The following MAN2A2 variants were observed in gnomAD, a reference collection of about 807,000 sequenced individuals.
MAN2A2 encodes the protein mannosidase alpha class 2A member 2.
Under a neutral mutation model 126.8 loss-of-function variants are expected in MAN2A2, and 79 were observed. The ratio of observed to expected loss-of-function variants is 0.62; its 90% CI spans 0.52 to 0.75. The LOEUF (loss-of-function observed/expected upper bound fraction) is 0.75. MAN2A2 is among the 30% of genes least tolerant of loss of function. The pLI is 0.00. For synonymous variants in MAN2A2, 671 were observed against 618.7 expected (o/e 1.08, Z -1.25); for missense variants, 1,392 against 1,522.4 (o/e 0.91, Z 1.43).
In MAN2A2 at chr15:90,904,413, C is replaced by A. The variant is rs551808000; in HGVS notation, c.132+74C>A. The A allele has an allele frequency of 5.4e-6, 8 of 1,485,240 alleles. No homozygotes were observed. In the East Asian group the frequency reaches 1.2e-4, roughly 23 times the overall value. The allele number at this position is 1,485,240 out of a possible 1,614,324, so 92.0% of individuals were successfully genotyped here. On this transcript the variant is annotated intron_variant, in intron 2 of 22. Coordinates refer to ENST00000559717, the MANE Select transcript of MAN2A2 (RefSeq NM_006122.4). ...TCAGGGTATGCACCTCCCACCCCGC[C>A]GCCTCCCCTCCCACCCCCCGCTGGA... is the stretch of plus-strand genomic sequence containing the variant.
In MAN2A2 at chr15:90,910,981, G is replaced by C. The variant is rs762044587; in HGVS notation, c.1875+20G>C. On this transcript the variant is annotated intron_variant, in intron 12 of 22. Coordinates refer to ENST00000559717, the MANE Select transcript of MAN2A2 (RefSeq NM_006122.4). ...CAAGTGGTGAGCCCCTCCTGGGTCT[G>C]CATGGGGACCCTCTGGTGTGTGCAG... The C allele has an allele frequency of 9.4e-6, 15 of 1,592,822 alleles. No homozygotes were observed. Among genetic ancestry groups the C allele is most frequent in the Non-Finnish European group, 8.6e-6 (10 of 1,161,378 alleles).
intron 21 of MAN2A2, 87 bp downstream of exon 21, chr15:90,918,475 G>T: frequency 6.9e-7 from 1 of 1,457,014 alleles, no homozygotes; most frequent in Non-Finnish European, 9.4e-7. Context: ...TCCAGGATGA[G>T]GTCCAGACCC....
In MAN2A2 at chr15:90,906,856, A is replaced by G. The variant is rs758733871; in HGVS notation, c.952A>G (p.Ile318Val). ...GCTGATTCAGAGAGTGCACTATGCC[A>G]TCAAGAAGCACTTTGCTGCCACCCA... ...SMLIQRVHYA[I>V]KKHFAATHSL... The change falls in exon 7 of 23, where the codon ATC becomes GTC. Residue 318 changes from isoleucine (I) to valine (V), a missense_variant. Transcript: ENST00000559717. 6.2e-7 allele frequency: 1 copy of G among 1,614,104 alleles called. No individual in the cohort carries two copies. Among genetic ancestry groups the G allele is most frequent in the Non-Finnish European group, 8.5e-7 (1 of 1,179,996 alleles).
chr15:90,904,168 CAGAT>C lies in MAN2A2; in HGVS notation c.-18-21_-18-18del. ...ACGGGCATTTTGCATGTTGGAGCTA[CAGAT>C]GGTGTCCTTCCTGCCAGGTGTGTGT... On this transcript the variant is annotated intron_variant, in intron 1 of 22. Transcript: ENST00000559717. The C allele has an allele frequency of 6.2e-7, 1 of 1,613,934 alleles. No individual in the cohort carries two copies. The highest frequency in any genetic ancestry group is 8.5e-7 in the Non-Finnish European group (1 of 1,179,852).
Position 90,907,386 on chromosome 15 carries a change from G to T in MAN2A2, c.1087G>T (p.Asp363Tyr), listed in dbSNP as rs1207979926. The T allele has an allele frequency of 1.2e-6, 2 of 1,614,162 alleles. No homozygotes were observed. Among genetic ancestry groups the T allele is most frequent in the African/African-American group, 1.3e-5 (1 of 75,070 alleles). Reference protein sequence around the residue: ...SYDVPHTCGPDPKICCQFDFK... With the variant: ...SYDVPHTCGPYPKICCQFDFK... ...TGACGTCCCCCATACCTGTGGCCCA[G>T]ATCCCAAGATCTGCTGCCAATTTGA... The change falls in exon 8 of 23, where the codon GAT becomes TAT. Residue 363 changes from aspartate to tyrosine, a missense_variant. Transcript: ENST00000559717.
rs776852590 is a variant in MAN2A2 at position 90,904,337 on chromosome 15, C to G, written c.130C>G (p.Arg44Gly). 4.2e-5 allele frequency: 67 copies of G among 1,613,118 alleles called. No individual in the cohort carries two copies. Among genetic ancestry groups the G allele is most frequent in the Non-Finnish European group, 5.5e-5 (65 of 1,179,304 alleles). ...ACACCAGAATGGTGGGAACTTCCCC[C>G]GGGTGAGTCGTGCCTGGTTGCTAAT... ...TRHQNGGNFPRSQISVLQNRI... is the reference protein window; with the variant it reads ...TRHQNGGNFPGSQISVLQNRI... Residue 44 changes from arginine (R) to glycine (G), a missense_variant and splice_region_variant, in exon 2 of 23, where the codon CGG becomes GGG. Arg to Gly is a moderately radical substitution (Grantham distance 125). Transcript: ENST00000559717.
At chr15:90,904,384 G>A in intron 2 of MAN2A2, 45 bp downstream of exon 2, 2 of 1,595,064 alleles carry the variant, frequency 1.3e-6, no homozygotes, top group Non-Finnish European at 1.7e-6. Flanking sequence ...CAAGTCACCT[G>A]GGCTCAGGGT....
At position 90,922,243 on chromosome 15, in the gene MAN2A2, A is replaced by G. The variant is rs2035575551; in HGVS notation, c.*2456A>G. The stretch of plus-strand genomic sequence containing the variant: ...AAGCTTGCTTCAGGGTCCTTAGAGA[A>G]AGTCACTGGGGCCTGCCAAGCTGCC... On this transcript the variant is annotated 3_prime_UTR_variant, in exon 23 of 23. Coordinates refer to ENST00000559717, the MANE Select transcript of MAN2A2 (RefSeq NM_006122.4). 2 of 152,200 alleles carry G rather than the reference A, an allele frequency of 1.3e-5. No individual in the cohort carries two copies. The highest frequency in any genetic ancestry group is 1.3e-4 in the Admixed American group (2 of 15,288). The allele number at this position is 152,200 out of a possible 1,614,324, so 9.4% of individuals were successfully genotyped here.
rs1236164578 is a variant in MAN2A2, at chr15:90,918,323, C to A, written c.3124C>A (p.His1042Asn). ...QLPGPGLRSF[H>N]PLASSLPCDF... ...CCCAGGCCCTGGTCTGCGCTCATTT[C>A]ATCCTCTGGCTTCCTCACTGCCCTG... The change falls in exon 21 of 23, where the codon CAT (histidine) becomes AAT (asparagine). Residue 1042 changes from histidine (H) to asparagine (N), a missense_variant. Physicochemically the swap from His to Asn is moderately conservative, Grantham distance 68 (BLOSUM62 1). Coordinates refer to ENST00000559717, the MANE Select transcript of MAN2A2 (RefSeq NM_006122.4). 1.9e-6 allele frequency: 3 copies of A among 1,614,222 alleles called. No individual in the cohort carries two copies. Among genetic ancestry groups the A allele is most frequent in the Non-Finnish European group, 2.5e-6 (3 of 1,180,034 alleles).
At chr15:90,912,499 A>G (rs775012492) in intron 15 of MAN2A2, 43 bp from the exon 16 acceptor site, 2 of 1,606,846 alleles carry the variant, frequency 1.2e-6, no homozygotes, top group Non-Finnish European at 1.7e-6. Flanking sequence ...CAGGCCTGAC[A>G]TGCTGGTGTG....
chr15:90,917,701 C>T, intron 20 of MAN2A2: 1 of 156,040 alleles, frequency 6.4e-6, no homozygotes, highest in Non-Finnish European at 1.4e-5. Flanking sequence ...GTCTGACGTC[C>T]AGGTGAGCTG....
chr15:90,919,074 C>T (rs1229149946), intron 22 of MAN2A2, among the ~76,000 whole-genome samples: 1 of 152,200 alleles, frequency 6.6e-6, no homozygotes, highest in Non-Finnish European at 1.5e-5. Context: ...ATAAATGTCC[C>T]CGGGTGCCAG....
rs2034621743 is a variant in MAN2A2, at chr15:90,910,311, T to G, written c.1577+19T>G. The G allele has an allele frequency of 9.3e-6, 15 of 1,612,822 alleles. No individual in the cohort carries two copies. The highest frequency in any genetic ancestry group is 1.3e-5 in the Non-Finnish European group (15 of 1,179,108). Reference sequence around the variant, plus strand: ...ACCTGCGGTGAGACCCTGTCCCCGCTTCCAGGCTGGAGGGGGAGAGTCAGC... The same window carrying G: ...ACCTGCGGTGAGACCCTGTCCCCGCGTCCAGGCTGGAGGGGGAGAGTCAGC... On this transcript the variant is annotated intron_variant, in intron 10 of 22. Coordinates refer to ENST00000559717, the MANE Select transcript of MAN2A2 (RefSeq NM_006122.4).
chr15:90,907,600 T>A, intron 8 of MAN2A2, 105 bp downstream of exon 8: 1 of 1,065,424 alleles, frequency 9.4e-7, no homozygotes, highest in South Asian at 1.6e-5. Context: ...TTGAGGCTCC[T>A]AGCCTCTGCA....
chr15:90,918,805 G>C, intron 22 of MAN2A2, 50 bp downstream of exon 22: 3 of 1,309,780 alleles, frequency 2.3e-6, no homozygotes, highest in Non-Finnish European at 3.3e-6. Flanking sequence ...GCATGAGCTT[G>C]GTAAGACTGG....
Position 90,915,987 on chromosome 15 carries a change from C to A in MAN2A2, c.2861-136C>A. 3 of 943,994 alleles carry A rather than the reference C, an allele frequency of 3.2e-6. No homozygotes were observed. In the South Asian group the frequency reaches 5.2e-5, roughly 16 times the overall value. 58.5% of individuals were successfully genotyped at this position (943,994 alleles called of 1,614,324 possible). On this transcript the variant is annotated intron_variant, in intron 19 of 22. Coordinates refer to ENST00000559717, the MANE Select transcript of MAN2A2 (RefSeq NM_006122.4). The stretch of plus-strand genomic sequence containing the variant: ...CCCTCCCAGCCGTGGGAACCCGTGA[C>A]CTCTCCTGAGTGACTCAGCTTCTGT...
intron 14 of MAN2A2, 68 bp from the exon 15 acceptor site, chr15:90,911,975 A>G: frequency 7.6e-7 from 1 of 1,318,326 alleles, no homozygotes; most frequent in Non-Finnish European, 1.1e-6. Flanking sequence ...TCTGTTAGTA[A>G]GCGGATGCCT....
At chr15:90,903,790 T>C (rs1369222202) in intron 1 of MAN2A2, 5 of 311,136 alleles carry the variant, frequency 1.6e-5, no homozygotes, top group Non-Finnish European at 3.2e-5. Flanking sequence ...ATCAGTCTCT[T>C]TGGGTTCTGG....
chr15:90,907,868 C>T (rs1490430611), intron 8 of MAN2A2, among the ~76,000 whole-genome samples: 1 of 152,206 alleles, frequency 6.6e-6, no homozygotes, highest in East Asian at 1.9e-4. Context: ...CACATTCAGT[C>T]CCACGAGATA....
Sources: gnomAD v4.1 joint callset for allele counts (sites outside exome capture counted in the v4.1 genomes callset) on GRCh38, gnomAD v4.1.1 for gene constraint, MANE v1.5 for transcripts, NCBI Gene and HGNC (gene_info 2026-07-23, HGNC 2026-07-21) for gene names.